Variants in STK3 observed in about 807,000 individuals in gnomAD.
The protein encoded by STK3 is serine/threonine-protein kinase 3.
STK3 carries 41 observed loss-of-function variants against 58.0 expected under a neutral mutation model. The ratio of observed to expected loss-of-function variants is 0.71; its 90% confidence interval spans 0.55 to 0.92. The LOEUF (loss-of-function observed/expected upper bound fraction) is 0.92. Ranked by LOEUF, STK3 falls within the 40% of genes least tolerant of loss-of-function variation. STK3 has a pLI of 0.00. For missense variants in STK3, 479 were observed against 602.7 expected, an observed-to-expected ratio of 0.79 and a Z score of 2.15; for synonymous variants, 170 against 191.0, an observed-to-expected ratio of 0.89 and a Z score of 0.91.
At chr8:98,427,025 G>C (rs1292409807) in intron 3 of STK3, 9 of 150,602 alleles carry the variant, frequency 6.0e-5, no homozygotes, top group Admixed American at 2.0e-4. Flanking sequence ...CCCGGCTCAC[G>C]GGGCGAATGC....
chr8:98,665,628 C>G (rs1292329281), intron 6 of STK3, among the ~76,000 whole-genome samples: 1 of 151,882 alleles, frequency 6.6e-6, no homozygotes, highest in Admixed American at 6.6e-5. Context: ...CTCCTAGACT[C>G]AAGGAATCCT....
At chr8:98,548,495 C>G (rs1810901446) in intron 8 of STK3, among the ~76,000 whole-genome samples, 1 of 152,024 alleles carries the variant, frequency 6.6e-6, no homozygotes, top group African/African-American at 2.4e-5. Flanking sequence ...ATGAGAGCAC[C>G]TTTAAGACAG....
rs551126683 is a variant in STK3, at chr8:98,632,008, C to T, written c.685-35839G>A. On this transcript the variant is annotated intron_variant, in intron 6 of 10. Transcript: ENST00000419617. ...GTCTTTCCCCACTACAAATAGGTACCTAAGAGATTGGAACTTTGTTTCATT... is the reference window on the plus strand; with the variant it reads ...GTCTTTCCCCACTACAAATAGGTACTTAAGAGATTGGAACTTTGTTTCATT... Among the ~76,000 whole-genome samples, 58 of 152,310 alleles carry T rather than the reference C, an allele frequency of 3.8e-4. No homozygotes were observed. The South Asian group carries it at 6.8e-3, about 18-fold the overall frequency.
chr8:98,685,952 C>T (rs2130920582), intron 6 of STK3, among the ~76,000 whole-genome samples: 1 of 152,202 alleles, frequency 6.6e-6, no homozygotes, highest in South Asian at 2.1e-4. Context: ...TTTTTATCTA[C>T]AACCATATGA....
intron 9 of STK3, among the ~76,000 whole-genome samples, chr8:98,527,366 C>T (rs1024528896): frequency 1.3e-5 from 2 of 151,982 alleles, no homozygotes; most frequent in Admixed American, 6.6e-5. Flanking sequence ...GGCCTGTAAC[C>T]TCAGAACTTT....
intron 3 of STK3, among the ~76,000 whole-genome samples, chr8:98,410,221 A>G (rs1818039903): frequency 6.6e-6 from 1 of 152,208 alleles, no homozygotes; most frequent in African/African-American, 2.4e-5. Flanking sequence ...TCCACAGGCC[A>G]AGGAGCAGCG....
intron 3 of STK3, among the ~76,000 whole-genome samples, chr8:98,838,074 CAAAAAAA>C (rs58973724): frequency 1.7e-4 from 10 of 58,762 alleles, no homozygotes; most frequent in South Asian, 1.5e-3. Flanking sequence ...ACTAAAAATA[CAAAAAAA>C]AAAAAAAAAA....
chr8:98,489,881 A>G (rs1373732299), intron 10 of STK3, among the ~76,000 whole-genome samples: 1 of 152,178 alleles, frequency 6.6e-6, no homozygotes, highest in African/African-American at 2.4e-5. Context: ...TGAACTTTAG[A>G]AACACATTGT....
intron 8 of STK3, among the ~76,000 whole-genome samples, chr8:98,548,420 T>C (rs1810893774): frequency 1.3e-5 from 2 of 152,072 alleles, no homozygotes; most frequent in African/African-American, 4.8e-5. Flanking sequence ...AAAATAAGGA[T>C]TAAGATAGGT....
At chr8:98,742,620 A>G (rs1031098824) in intron 4 of STK3, among the ~76,000 whole-genome samples, 5 of 140,678 alleles carry the variant, frequency 3.6e-5, no homozygotes, top group African/African-American at 1.3e-4. Context: ...CCCACAGCCA[A>G]TATCATACTG....
chr8:98,605,223 G>A (rs1023535616), intron 6 of STK3, among the ~76,000 whole-genome samples: 1 of 151,960 alleles, frequency 6.6e-6, no homozygotes. Flanking sequence ...TATCTTTATA[G>A]CAATGCCCTA....
chr8:98,654,028 CA>C (rs970402320), intron 6 of STK3, among the ~76,000 whole-genome samples: 19 of 151,852 alleles, frequency 1.3e-4, no homozygotes, highest in African/African-American at 4.6e-4. Context: ...GAGACACAAC[CA>C]AAAAAGAGAA....
intron 1 of STK3, among the ~76,000 whole-genome samples, chr8:98,804,253 C>T (rs28691897): frequency 4.6e-5 from 7 of 152,164 alleles, no homozygotes; most frequent in Non-Finnish European, 1.0e-4. Flanking sequence ...CCGCCCACCT[C>T]GGCCTCCCAA....
At chr8:98,824,611 C>G (rs1425783553) in intron 1 of STK3, among the ~76,000 whole-genome samples, 2 of 152,164 alleles carry the variant, frequency 1.3e-5, no homozygotes, top group Admixed American at 6.5e-5. Flanking sequence ...ACGACCCCCC[C>G]TTTTTTTCAC....
intron 1 of STK3, 57 bp from the exon 2 acceptor site, chr8:98,774,876 T>G: frequency 1.6e-6 from 2 of 1,251,298 alleles, no homozygotes; most frequent in African/African-American, 3.1e-5. Context: ...TTTTACAAAA[T>G]TTTTAATTTT....
intron 1 of STK3, among the ~76,000 whole-genome samples, chr8:98,891,147 G>C (rs771682850): frequency 1.6e-4 from 24 of 152,266 alleles, no homozygotes; most frequent in Non-Finnish European, 3.2e-4. Context: ...GGCTGGGGCA[G>C]TGACCACAGC....
intron 10 of STK3, among the ~76,000 whole-genome samples, chr8:98,509,070 T>C (rs1824305425): frequency 6.6e-6 from 1 of 152,044 alleles, no homozygotes; most frequent in Non-Finnish European, 1.5e-5. Context: ...TTTTTTTTCA[T>C]CTGAAAAGTT....
At chr8:98,903,067 T>C (rs1049207705) in intron 1 of STK3, among the ~76,000 whole-genome samples, 1 of 152,222 alleles carries the variant, frequency 6.6e-6, no homozygotes, top group Non-Finnish European at 1.5e-5. Context: ...ACCATCTCCT[T>C]CTGCATCTCC....
intron 1 of STK3, among the ~76,000 whole-genome samples, chr8:98,938,603 T>A (rs1840279186): frequency 6.6e-6 from 1 of 152,100 alleles, no homozygotes; most frequent in South Asian, 2.1e-4. Context: ...GAGGGGAACA[T>A]GTGAGTCAGT....
Sources: gnomAD v4.1 joint callset for allele counts (sites outside exome capture counted in the v4.1 genomes callset) on GRCh38, gnomAD v4.1.1 for gene constraint, MANE v1.5 for transcripts, NCBI Gene and HGNC (gene_info 2026-07-23, HGNC 2026-07-21) for gene names.